RPGR: variants seen among roughly 807,000 people sequenced by gnomAD.
RPGR encodes retinitis pigmentosa GTPase regulator, also known as X-linked retinitis pigmentosa GTPase regulator.
Under a neutral mutation model 56.3 loss-of-function variants are expected in RPGR, and 10 were observed. That is an observed-to-expected ratio of 0.18 (90% CI 0.11 to 0.30). The LOEUF (loss-of-function observed/expected upper bound fraction) is 0.30, where lower values mean the gene tolerates loss of function less well. Ranked by LOEUF, RPGR falls within the 10% of genes least tolerant of loss-of-function variation. The probability of loss-of-function intolerance (pLI) is 1.00; values close to 1 mark genes in which losing one functional copy is unlikely to be tolerated. For synonymous variants in RPGR, 197 were observed against 212.9 expected, an observed-to-expected ratio of 0.93 and a Z score of 0.65; for missense variants, 538 against 590.9, an observed-to-expected ratio of 0.91 and a Z score of 0.93.
chrX:38,271,547 C>T (rs2066841278), intron 18 of RPGR, among the ~76,000 whole-genome samples: 1 of 111,496 alleles, frequency 9.0e-6, no homozygotes, highest in Non-Finnish European at 1.9e-5. Context: ...AACTGAGACC[C>T]CTACATAATG....
At chrX:38,294,282 C>T (rs764144462) in intron 11 of RPGR, among the ~76,000 whole-genome samples, 1 of 111,886 alleles carries the variant, frequency 8.9e-6, no homozygotes, top group Admixed American at 9.5e-5. Flanking sequence ...TCTTCCTTCT[C>T]TACCCCTCAA....
intron 9 of RPGR, among the ~76,000 whole-genome samples, chrX:38,300,782 G>A (rs1439649881): frequency 3.6e-5 from 4 of 112,171 alleles, no homozygotes; most frequent in Non-Finnish European, 5.6e-5. Flanking sequence ...TGATCCGCCC[G>A]CCTTGGCCTC....
chrX:38,291,283 G>A (rs928663258), intron 12 of RPGR, 110 bp downstream of exon 12: 30 of 485,094 alleles, frequency 6.2e-5, no homozygotes, highest in East Asian at 1.1e-4. Context: ...AGTAAGAAAC[G>A]AGAAAGACGC....
At chrX:38,304,838 C>T (rs759667085) in intron 7 of RPGR, 48 bp from the exon 8 acceptor site, 2 of 1,128,023 alleles carry the variant, frequency 1.8e-6, no homozygotes, top group Non-Finnish European at 2.4e-6. Context: ...GAAGCAGACA[C>T]TGTTACCATC....
chrX:38,301,395 G>A (rs1187094368), intron 8 of RPGR, 24 bp from the exon 9 acceptor site: 1 of 1,169,832 alleles, frequency 8.5e-7, no homozygotes, highest in South Asian at 1.8e-5. Flanking sequence ...ATAATGAAGA[G>A]AATTATAAAA....
At chrX:38,284,515 T>C in intron 15 of RPGR, 1 of 745,532 alleles carries the variant, frequency 1.3e-6, no homozygotes, top group Non-Finnish European at 1.6e-6. Context: ...ATACCAGAAA[T>C]GAAGGCTCTG....
chrX:38,317,291 A>C, intron 6 of RPGR, 25 bp downstream of exon 6: 1 of 1,190,623 alleles, frequency 8.4e-7, no homozygotes, highest in Non-Finnish European at 1.1e-6. Flanking sequence ...GGGAGATAAC[A>C]TGATGACTTC....
At chrX:38,321,543 A>G (rs1426850828) in intron 3 of RPGR, among the ~76,000 whole-genome samples, 2 of 109,479 alleles carry the variant, frequency 1.8e-5, no homozygotes, top group Non-Finnish European at 3.8e-5. Context: ...AGTTGCAGCT[A>G]TTCGGGGAGG....
At chrX:38,318,614 T>C (rs766825326) in intron 5 of RPGR, among the ~76,000 whole-genome samples, 1 of 111,984 alleles carries the variant, frequency 8.9e-6, no homozygotes, top group Admixed American at 9.5e-5. Flanking sequence ...TAAATGTATA[T>C]TTAAATAAGC....
At chrX:38,301,677 A>T (rs1353727539) in intron 8 of RPGR, among the ~76,000 whole-genome samples, 4 of 111,663 alleles carry the variant, frequency 3.6e-5, no homozygotes, top group Non-Finnish European at 7.5e-5. Flanking sequence ...CACATCATAT[A>T]TTCCAAGGGA....
At chrX:38,292,113 T>C (rs762672643) in intron 11 of RPGR, among the ~76,000 whole-genome samples, 5 of 111,021 alleles carry the variant, frequency 4.5e-5, no homozygotes, top group Non-Finnish European at 9.4e-5. Flanking sequence ...GTGAATGAGC[T>C]TGGAAGTGGA....
chrX:38,293,379 G>A (rs2067323266), intron 11 of RPGR, among the ~76,000 whole-genome samples: 1 of 111,843 alleles, frequency 8.9e-6, no homozygotes, highest in Non-Finnish European at 1.9e-5. Context: ...ATTATTTGTA[G>A]ACTACCATAA....
chrX:38,301,218 A>G (rs758397353), intron 9 of RPGR, 29 bp downstream of exon 9: 1 of 1,154,545 alleles, frequency 8.7e-7, no homozygotes, highest in Non-Finnish European at 1.2e-6. Context: ...TAATATGAAA[A>G]TATAAACAGG....
In RPGR at chrX:38,321,040, G is replaced by C. The variant is rs1442593958; in HGVS notation, c.297C>G (p.Thr99=). 4.2e-6 allele frequency: 5 copies of C among 1,203,178 alleles called. No homozygotes were observed. In the African/African-American group the frequency reaches 8.8e-5, roughly 21 times the overall value. Residue 99 remains threonine, a synonymous_variant, in exon 4 of 19, where the codon ACC becomes ACG. Coordinates refer to ENST00000642395, the MANE Select transcript of RPGR (RefSeq NM_000328.3). ...TGAGCACTATACCTGTTGACACCAG[G>C]GTGTGGTTCCTTCCACAGGCAGCTA...
intron 6 of RPGR, among the ~76,000 whole-genome samples, chrX:38,313,920 A>G (rs1453659933): frequency 2.7e-5 from 3 of 112,158 alleles, no homozygotes; most frequent in African/African-American, 9.7e-5. Context: ...GAAGTTTCTC[A>G]CAGTGTCGAC....
Position 38,285,780 on chromosome X carries a change from G to A in RPGR, c.1905+1314C>T, listed in dbSNP as rs111787313. On this transcript the variant is annotated intron_variant, in intron 15 of 18. Coordinates refer to ENST00000642395, the MANE Select transcript of RPGR (RefSeq NM_000328.3). ...CATCCTGCCTTTCATTCTCTTCTTCGCCTGTCTCCTGATACTTCCCCTCTT... is the reference window on the plus strand; with the variant it reads ...CATCCTGCCTTTCATTCTCTTCTTCACCTGTCTCCTGATACTTCCCCTCTT... 48,522 of 1,205,849 alleles carry A rather than the reference G, an allele frequency of 0.04. 1,654 individuals carry two copies. The highest frequency in any genetic ancestry group is 0.18 in the Admixed American group (8,277 of 45,291).
intron 10 of RPGR, 122 bp downstream of exon 10, chrX:38,298,834 A>C: frequency 1.3e-6 from 1 of 770,288 alleles, no homozygotes. Context: ...CAACTCTAAT[A>C]ATTTTATGTA....
At chrX:38,301,059 A>C (rs1309924634) in intron 9 of RPGR, among the ~76,000 whole-genome samples, 188 bp downstream of exon 9, 1 of 111,807 alleles carries the variant, frequency 8.9e-6, no homozygotes, top group Non-Finnish European at 1.9e-5. Context: ...AAAGGAGGAA[A>C]ATTAGGAGCA....
intron 1 of RPGR, 83 bp from the exon 2 acceptor site, chrX:38,323,607 C>T (rs1226793222): frequency 2.9e-6 from 3 of 1,052,023 alleles, no homozygotes; most frequent in South Asian, 2.0e-5. Flanking sequence ...TTTATCCATA[C>T]AAACCCCTTG....
Sources: allele counts gnomAD v4.1 joint callset (sites outside exome capture counted in the v4.1 genomes callset), GRCh38; gene constraint gnomAD v4.1.1; transcripts MANE v1.5; gene names NCBI Gene and HGNC (gene_info 2026-07-23, HGNC 2026-07-21).